NFIA: variants seen among roughly 807,000 people sequenced by gnomAD.
NFIA encodes the protein nuclear factor 1 A-type.
NFIA carries 8 observed loss-of-function variants against 62.8 expected under a neutral mutation model. That is an observed-to-expected ratio of 0.13 (90% CI 0.07 to 0.23). NFIA has a LOEUF of 0.23. Among genes scored for constraint, NFIA ranks in the 10% least tolerant of loss-of-function variants. The pLI is 1.00. For synonymous variants in NFIA, 235 were observed against 238.1 expected, an observed-to-expected ratio of 0.99 and a Z score of 0.12; for missense variants, 410 against 642.1, an observed-to-expected ratio of 0.64 and a Z score of 3.91.
At chr1:61,382,109 A>G (rs1009807243) in intron 6 of NFIA, among the ~76,000 whole-genome samples, 13 of 152,200 alleles carry the variant, frequency 8.5e-5, no homozygotes, top group African/African-American at 3.1e-4. Flanking sequence ...TTTGTGCTAC[A>G]ACCTTAAGAG....
intron 6 of NFIA, among the ~76,000 whole-genome samples, chr1:61,362,081 T>C (rs1198045528): frequency 3.3e-5 from 5 of 152,140 alleles, no homozygotes. Context: ...TTTGGTGTCA[T>C]TAACTCACAC....
intron 7 of NFIA, among the ~76,000 whole-genome samples, chr1:61,397,399 G>A (rs986302206): frequency 2.0e-5 from 3 of 152,016 alleles, no homozygotes; most frequent in South Asian, 2.1e-4. Flanking sequence ...CAATATTTAT[G>A]TACTTTTTTG....
intron 2 of NFIA, among the ~76,000 whole-genome samples, chr1:61,174,876 C>T (rs945946586): frequency 1.3e-5 from 2 of 152,062 alleles, no homozygotes; most frequent in African/African-American, 4.8e-5. Flanking sequence ...TTTTTGGATG[C>T]ACTTTTGATG....
At chr1:61,350,040 C>T (rs922272671) in intron 4 of NFIA, among the ~76,000 whole-genome samples, 46 of 152,252 alleles carry the variant, frequency 3.0e-4, no homozygotes, top group African/African-American at 1.1e-3. Flanking sequence ...ATTCTTCAGG[C>T]GCCCCCCACC....
intron 2 of NFIA, among the ~76,000 whole-genome samples, chr1:61,264,829 G>A (rs1344028879): frequency 2.6e-5 from 4 of 152,036 alleles, no homozygotes; most frequent in African/African-American, 9.7e-5. Context: ...TCTCCCCCCA[G>A]TGTAACTACA....
At chr1:61,221,960 G>T (rs1238121874) in intron 2 of NFIA, among the ~76,000 whole-genome samples, 1 of 152,124 alleles carries the variant, frequency 6.6e-6, no homozygotes, top group Non-Finnish European at 1.5e-5. Flanking sequence ...AACAGACATT[G>T]TTGGTTTGTT....
chr1:61,198,413 T>G (rs1652183766), intron 2 of NFIA, among the ~76,000 whole-genome samples: 1 of 152,202 alleles, frequency 6.6e-6, no homozygotes, highest in South Asian at 2.1e-4. Flanking sequence ...TGGCAGTGCC[T>G]TGCTGTGTGT....
Position 61,406,696 on chromosome 1 carries a change from A to G in NFIA, c.1389A>G (p.Thr463=). The change falls in exon 9 of 11, where the codon ACA becomes ACG. Residue 463 remains threonine (T), a synonymous_variant. Transcript: ENST00000403491. ...VPDTKPPTTS[T]EGGAASPTSP... is the part of the protein sequence containing the mutation. ...ACACAAAGCCTCCAACCACGTCAAC[A>G]GAAGGAGGTGCAGCCTCCCCCACGT... 2 of 1,612,666 alleles carry G rather than the reference A, an allele frequency of 1.2e-6. No individual in the cohort carries two copies. Among genetic ancestry groups the G allele is most frequent in the Non-Finnish European group, 1.7e-6 (2 of 1,179,390 alleles).
intron 9 of NFIA, among the ~76,000 whole-genome samples, chr1:61,417,264 T>TG (rs1666391398): frequency 1.0e-5 from 1 of 97,774 alleles, no homozygotes; most frequent in African/African-American, 3.2e-5. Context: ...TTTCCTCATC[T>TG]TTGTGTGTGT....
In NFIA at chr1:61,082,588, C is replaced by T; in HGVS notation, c.-204C>T. The T allele has an allele frequency of 6.7e-7, 1 of 1,483,464 alleles. No individual in the cohort carries two copies. The allele number at this position is 1,483,464 out of a possible 1,614,324, so 91.9% of individuals were successfully genotyped here. A position where few individuals can be genotyped will look rare whatever the true frequency, so the allele number is the denominator to read the frequency against. On this transcript the variant is annotated 5_prime_UTR_variant, in exon 1 of 11. An upstream open reading frame in the 5' UTR gains an earlier in-frame stop. Transcript: ENST00000403491. ...GGTTAAAGTTCAGCTCATGGAGCGG[C>T]AATAGCGCTGGCTGGCTGGCTGCAG...
At chr1:61,450,660 G>A (rs779070648) in intron 10 of NFIA, among the ~76,000 whole-genome samples, 1 of 152,130 alleles carries the variant, frequency 6.6e-6, no homozygotes, top group Non-Finnish European at 1.5e-5. Flanking sequence ...GCAGAAGAAA[G>A]CCAAGTGTCA....
At chr1:61,238,561 G>A (rs1655139099) in intron 2 of NFIA, among the ~76,000 whole-genome samples, 1 of 152,154 alleles carries the variant, frequency 6.6e-6, no homozygotes, top group African/African-American at 2.4e-5. Flanking sequence ...TACACTGCTT[G>A]GTTTCAGCTT....
At chr1:61,230,260 G>A (rs1035077432) in intron 2 of NFIA, among the ~76,000 whole-genome samples, 2 of 152,106 alleles carry the variant, frequency 1.3e-5, no homozygotes, top group Non-Finnish European at 2.9e-5. Context: ...ATAAAAAACA[G>A]AATATCTAGA....
intron 2 of NFIA, among the ~76,000 whole-genome samples, chr1:61,127,761 A>AT (rs1557584476): frequency 6.6e-6 from 1 of 152,204 alleles, no homozygotes; most frequent in African/African-American, 2.4e-5. Context: ...TTAAAAAAAA[A>AT]GTATCCTTAA....
At chr1:61,118,525 C>T (rs1050940360) in intron 2 of NFIA, among the ~76,000 whole-genome samples, 1 of 151,990 alleles carries the variant, frequency 6.6e-6, no homozygotes, top group African/African-American at 2.4e-5. Flanking sequence ...TGATAGATCT[C>T]TAAAGGAAAC....
chr1:61,443,844 A>G (rs1359372857), intron 10 of NFIA, among the ~76,000 whole-genome samples: 1 of 152,170 alleles, frequency 6.6e-6, no homozygotes, highest in Non-Finnish European at 1.5e-5. Context: ...CTTAGCAACA[A>G]GATTGAGTCT....
intron 2 of NFIA, among the ~76,000 whole-genome samples, chr1:61,235,333 GGT>G (rs1269632038): frequency 6.6e-6 from 1 of 151,812 alleles, no homozygotes; most frequent in East Asian, 1.9e-4. Flanking sequence ...TGTGGTGGGT[GGT>G]GCCTGTAGTC....
chr1:61,447,160 G>A (rs973019967), intron 10 of NFIA, among the ~76,000 whole-genome samples: 23 of 152,092 alleles, frequency 1.5e-4, no homozygotes, highest in Admixed American at 1.4e-3. Flanking sequence ...TGAAGGAAAA[G>A]ATTATTTTAA....
chr1:61,284,841 A>G (rs1316812059), intron 3 of NFIA, among the ~76,000 whole-genome samples: 2 of 152,168 alleles, frequency 1.3e-5, no homozygotes, highest in Non-Finnish European at 2.9e-5. Flanking sequence ...GAAAGAAGAA[A>G]AAAAGGGATT....
Sources: allele counts gnomAD v4.1 joint callset (sites outside exome capture counted in the v4.1 genomes callset), GRCh38; gene constraint gnomAD v4.1.1; transcripts MANE v1.5; gene names NCBI Gene and HGNC (gene_info 2026-07-23, HGNC 2026-07-21).